The following RPS6KC1 variants were observed in gnomAD, a reference collection of about 807,000 sequenced individuals.
RPS6KC1 encodes ribosomal protein S6 kinase C1.
In RPS6KC1, 54 loss-of-function variants were observed where a neutral mutation model predicts 103.8. That is an observed-to-expected ratio of 0.52 (90% CI 0.42 to 0.65). The LOEUF (loss-of-function observed/expected upper bound fraction) is 0.65, where lower values mean the gene tolerates loss of function less well. Among genes scored for constraint, RPS6KC1 ranks in the 30% least tolerant of loss-of-function variants. RPS6KC1 has a pLI of 0.00. For synonymous variants in RPS6KC1, 439 were observed against 438.7 expected (o/e 1.00, Z -0.01); for missense variants, 1,151 against 1,253.8 (o/e 0.92, Z 1.24).
the RPS6KC1 span, among the ~76,000 whole-genome samples, chr1:213,426,678 A>T: frequency 1.3e-5 from 2 of 152,312 alleles, no homozygotes; most frequent in South Asian, 4.1e-4. Flanking sequence ...TAGCCCCATC[A>T]CTGCTGCCGT....
the RPS6KC1 span, among the ~76,000 whole-genome samples, chr1:213,704,727 A>G: frequency 3.9e-5 from 6 of 152,114 alleles, no homozygotes; most frequent in South Asian, 1.0e-3. Flanking sequence ...TAGGTATTTT[A>G]TTCTTCTCAG....
chr1:213,418,024 G>C, the RPS6KC1 span, among the ~76,000 whole-genome samples: 1 of 152,146 alleles, frequency 6.6e-6, no homozygotes, highest in African/African-American at 2.4e-5. Flanking sequence ...AAAGGACAGA[G>C]CTCCCCATTC....
At chr1:213,059,828 G>T (rs991415401) in intron 1 of RPS6KC1, among the ~76,000 whole-genome samples, 2 of 152,042 alleles carry the variant, frequency 1.3e-5, no homozygotes, top group South Asian at 4.1e-4. Context: ...ACCCGCCACC[G>T]TGCCCAGCTA....
the RPS6KC1 span, among the ~76,000 whole-genome samples, chr1:213,348,817 A>G: frequency 1.3e-5 from 2 of 152,266 alleles, no homozygotes; most frequent in East Asian, 3.9e-4. Context: ...ATAACAATAA[A>G]CCCTATGGAG....
chr1:213,200,885 C>T (rs998982647), intron 8 of RPS6KC1, among the ~76,000 whole-genome samples: 9 of 152,102 alleles, frequency 5.9e-5, no homozygotes, highest in Admixed American at 1.3e-4. Context: ...GACCACATAC[C>T]GCATGTTCCT....
chr1:213,344,077 A>T, the RPS6KC1 span, among the ~76,000 whole-genome samples: 1 of 152,158 alleles, frequency 6.6e-6, no homozygotes, highest in African/African-American at 2.4e-5. Flanking sequence ...ACAAAATAAG[A>T]CAAAACAAAC....
At chr1:213,230,597 G>T in intron 9 of RPS6KC1, 53 bp downstream of exon 9, 1 of 1,379,780 alleles carries the variant, frequency 7.2e-7, no homozygotes, top group South Asian at 1.2e-5. Context: ...CACTTTGGGA[G>T]ACTGAGATAG....
At chr1:213,287,857 A>G in the RPS6KC1 span, among the ~76,000 whole-genome samples, 3 of 152,206 alleles carry the variant, frequency 2.0e-5, no homozygotes, top group African/African-American at 7.2e-5. Flanking sequence ...CATCTTGGCT[A>G]AGTCTAGAAC....
At chr1:213,721,941 G>C in the RPS6KC1 span, among the ~76,000 whole-genome samples, 1 of 152,148 alleles carries the variant, frequency 6.6e-6, no homozygotes, top group Admixed American at 6.5e-5. Flanking sequence ...CTTAGCCTGG[G>C]TGATTCAATA....
At chr1:213,363,720 T>C in the RPS6KC1 span, among the ~76,000 whole-genome samples, 9 of 128,386 alleles carry the variant, frequency 7.0e-5, no homozygotes, top group East Asian at 4.1e-4. Flanking sequence ...CTTTCTTTCT[T>C]TCTTTCGTTC....
chr1:213,158,428 C>G lies in RPS6KC1; in HGVS notation c.836-9430C>G, dbSNP rs1426843565. Among the ~76,000 whole-genome samples, 3 of 152,216 alleles carry G rather than the reference C, an allele frequency of 2.0e-5. No homozygotes were observed. In the East Asian group the frequency reaches 5.8e-4, roughly 29 times the overall value. ...CTCAAAATAACCATTTGACCTAAAA[C>G]TCAGGCTTGGCAGCTGGGAAACTCT... On this transcript the variant is annotated intron_variant, in intron 6 of 14. Transcript: ENST00000366960.
At chr1:213,613,318 A>T in the RPS6KC1 span, among the ~76,000 whole-genome samples, 1 of 152,142 alleles carries the variant, frequency 6.6e-6, no homozygotes, top group Non-Finnish European at 1.5e-5. Flanking sequence ...GATCTTTGTC[A>T]TTTCTGCTAT....
At chr1:213,720,010 C>A in the RPS6KC1 span, among the ~76,000 whole-genome samples, 152 of 152,300 alleles carry the variant, frequency 1.0e-3, no homozygotes, top group Middle Eastern at 6.8e-3. Context: ...CTGCCTTCCT[C>A]TTTCCCCACA....
the RPS6KC1 span, among the ~76,000 whole-genome samples, chr1:213,373,378 C>T: frequency 9.2e-5 from 14 of 152,342 alleles, no homozygotes; most frequent in South Asian, 4.1e-4. Context: ...AATCCAAGTA[C>T]GGCACGATGC....
At chr1:213,728,801 T>G in the RPS6KC1 span, among the ~76,000 whole-genome samples, 1 of 151,998 alleles carries the variant, frequency 6.6e-6, no homozygotes, top group African/African-American at 2.4e-5. Flanking sequence ...TGGCTTTCCA[T>G]ATAGGTCACA....
the RPS6KC1 span, among the ~76,000 whole-genome samples, chr1:213,565,520 A>T: frequency 6.6e-6 from 1 of 152,228 alleles, no homozygotes; most frequent in South Asian, 2.1e-4. Flanking sequence ...AAAAATGTAG[A>T]ATTCCATTTA....
intron 4 of RPS6KC1, among the ~76,000 whole-genome samples, chr1:213,112,726 C>G (rs2083158398): frequency 6.6e-6 from 1 of 151,992 alleles, no homozygotes; most frequent in Non-Finnish European, 1.5e-5. Context: ...CCCCCCACCC[C>G]ACAACAGTCC....
the RPS6KC1 span, among the ~76,000 whole-genome samples, chr1:213,667,235 G>A: frequency 2.0e-5 from 3 of 152,074 alleles, no homozygotes; most frequent in African/African-American, 7.2e-5. Flanking sequence ...AAATGGGAGG[G>A]AGTATAAATT....
At chr1:213,324,297 G>T in the RPS6KC1 span, among the ~76,000 whole-genome samples, 1 of 152,154 alleles carries the variant, frequency 6.6e-6, no homozygotes, top group African/African-American at 2.4e-5. Flanking sequence ...TTTAATTGGG[G>T]CCAGTCAGAA....
Sources: allele counts gnomAD v4.1 joint callset (sites outside exome capture counted in the v4.1 genomes callset), GRCh38; gene constraint gnomAD v4.1.1; transcripts MANE v1.5; gene names NCBI Gene and HGNC (gene_info 2026-07-23, HGNC 2026-07-21).